GRIK4: variants seen among roughly 807,000 people sequenced by gnomAD.
The protein encoded by GRIK4 is glutamate receptor ionotropic, kainate 4.
In GRIK4, 40 loss-of-function variants were observed where a neutral mutation model predicts 104.9. That is an observed-to-expected ratio of 0.38 (90% CI 0.30 to 0.50). The LOEUF is 0.50. Among genes scored for constraint, GRIK4 ranks in the 20% least tolerant of loss-of-function variants. The pLI, the probability that GRIK4 is intolerant of heterozygous loss-of-function variation, is 0.93. For synonymous variants in GRIK4, 485 were observed against 524.9 expected, an observed-to-expected ratio of 0.92 and a Z score of 1.04; for missense variants, 1,047 against 1,308.1, an observed-to-expected ratio of 0.80 and a Z score of 3.08.
chr11:120,899,917 C>G (rs1276450038), intron 12 of GRIK4, among the ~76,000 whole-genome samples: 4 of 152,220 alleles, frequency 2.6e-5, no homozygotes, highest in African/African-American at 9.7e-5. Context: ...GCAAATGTGT[C>G]CATGTCTTTT....
intron 3 of GRIK4, among the ~76,000 whole-genome samples, chr11:120,747,042 G>A (rs1277054575): frequency 6.6e-6 from 1 of 152,144 alleles, no homozygotes. Context: ...TTTTGAGTAA[G>A]CACTCAGTAA....
chr11:120,981,486 T>C (rs973593591), intron 19 of GRIK4, among the ~76,000 whole-genome samples: 2 of 152,192 alleles, frequency 1.3e-5, no homozygotes, highest in African/African-American at 2.4e-5. Flanking sequence ...GAGATACTGA[T>C]TGAGTAGGTC....
chr11:120,626,412 G>T lies in GRIK4; in HGVS notation c.-158-27273G>T, dbSNP rs145810335. Among the ~76,000 whole-genome samples, 559 of 152,288 alleles carry T rather than the reference G, an allele frequency of 3.7e-3. 4 individuals are homozygous for T. The highest frequency in any genetic ancestry group is 0.012 in the African/African-American group (519 of 41,558). On this transcript the variant is annotated intron_variant, in intron 1 of 20. Transcript: ENST00000527524. ...TTAACTGGCTCGGCACACTTTATTG[G>T]AGGGAAACTGATGCGCTTCCCTACC...
Position 120,802,711 on chromosome 11 carries a change from C to G in GRIK4, c.101C>G (p.Pro34Arg), listed in dbSNP as rs1412835737. ...SLRIAAILDD[P>R]MECSRGERLS... ...CCCACAGCTGCTATCTTGGACGACC[C>G]CATGGAGTGCAGCAGAGGGGAGCGG... Residue 34 changes from proline (P) to arginine (R), a missense_variant, in exon 4 of 21, where the codon CCC becomes CGC. This residue lies in a region of GRIK4 where 447 missense variants were observed against 514.9 expected (regional missense o/e 0.87). Coordinates refer to ENST00000527524, the MANE Select transcript of GRIK4 (RefSeq NM_014619.5). 6.2e-7 allele frequency: 1 copy of G among 1,613,856 alleles called. No homozygotes were observed. The highest frequency in any genetic ancestry group is 8.5e-7 in the Non-Finnish European group (1 of 1,179,972).
chr11:120,702,003 T>C (rs1348402246), intron 3 of GRIK4, among the ~76,000 whole-genome samples: 2 of 142,604 alleles, frequency 1.4e-5, no homozygotes, highest in African/African-American at 5.3e-5. Context: ...GTTGCCAGGC[T>C]GGAGTGCAGT....
intron 13 of GRIK4, among the ~76,000 whole-genome samples, chr11:120,918,390 A>G (rs548859456): frequency 9.2e-5 from 14 of 152,222 alleles, no homozygotes; most frequent in Admixed American, 3.9e-4. Context: ...CATTGATTCC[A>G]TATTGGTTGT....
intron 11 of GRIK4, among the ~76,000 whole-genome samples, chr11:120,897,099 G>C (rs1942602274): frequency 6.6e-6 from 1 of 152,006 alleles, no homozygotes; most frequent in African/African-American, 2.4e-5. Flanking sequence ...AGGATTACTT[G>C]GGTCCAGGAG....
intron 3 of GRIK4, among the ~76,000 whole-genome samples, chr11:120,661,742 A>C (rs966195837): frequency 2.6e-5 from 4 of 152,200 alleles, no homozygotes; most frequent in East Asian, 1.9e-4. Flanking sequence ...TTTTCATGCA[A>C]ATGCAGAGGA....
chr11:120,707,161 A>G (rs939475525), intron 3 of GRIK4, among the ~76,000 whole-genome samples: 3 of 152,218 alleles, frequency 2.0e-5, no homozygotes, highest in African/African-American at 7.2e-5. Context: ...CCTGGAGGCA[A>G]GAAGACAGAG....
At chr11:120,947,059 C>T (rs1943876769) in intron 14 of GRIK4, among the ~76,000 whole-genome samples, 1 of 152,076 alleles carries the variant, frequency 6.6e-6, no homozygotes, top group Admixed American at 6.5e-5. Flanking sequence ...TAACTCTTAG[C>T]TAGAGTCTTC....
At chr11:120,982,066 T>C in intron 19 of GRIK4, 40 bp from the exon 20 acceptor site, 4 of 1,239,218 alleles carry the variant, frequency 3.2e-6, no homozygotes, top group Admixed American at 1.7e-5. Context: ...GTCTTCCTGA[T>C]CTTTTACAAT....
intron 3 of GRIK4, among the ~76,000 whole-genome samples, chr11:120,672,743 T>C (rs1274945449): frequency 6.6e-6 from 1 of 152,222 alleles, no homozygotes; most frequent in Non-Finnish European, 1.5e-5. Context: ...TATTGGTGTT[T>C]AGGAATGCTT....
intron 3 of GRIK4, among the ~76,000 whole-genome samples, chr11:120,672,497 G>A (rs773668162): frequency 3.3e-5 from 5 of 152,174 alleles, no homozygotes; most frequent in Non-Finnish European, 5.9e-5. Flanking sequence ...GATGGGAATA[G>A]CATCGAATCT....
intron 13 of GRIK4, among the ~76,000 whole-genome samples, chr11:120,918,773 A>AT (rs1474255666): frequency 6.6e-6 from 1 of 152,196 alleles, no homozygotes; most frequent in Non-Finnish European, 1.5e-5. Flanking sequence ...GCAAAATGGT[A>AT]TGGGAGCACA....
At chr11:120,649,414 C>T (rs935337495) in intron 1 of GRIK4, among the ~76,000 whole-genome samples, 4 of 152,190 alleles carry the variant, frequency 2.6e-5, no homozygotes, top group Non-Finnish European at 4.4e-5. Context: ...GTGGGGTCTC[C>T]ACCTGGGCAT....
At chr11:120,692,437 G>A (rs917994174) in intron 3 of GRIK4, among the ~76,000 whole-genome samples, 1 of 152,192 alleles carries the variant, frequency 6.6e-6, no homozygotes, top group Non-Finnish European at 1.5e-5. Flanking sequence ...GGGGGAGGTG[G>A]TGCATAAACA....
chr11:120,680,617 C>T (rs1372902991), intron 3 of GRIK4, among the ~76,000 whole-genome samples: 1 of 152,210 alleles, frequency 6.6e-6, no homozygotes, highest in East Asian at 1.9e-4. Flanking sequence ...TCATTCTTAT[C>T]CTGGGCTGCT....
At position 120,660,265 on chromosome 11, in the gene GRIK4, GC is replaced by G; in HGVS notation, c.-50-3del. ...TCACGTGCCCCCAACCCCCTCTCTC[GC>G]AGAGTTATGTCATGCCCAGGCCAGC... On this transcript the variant is annotated splice_polypyrimidine_tract_variant and splice_region_variant and intron_variant, in intron 2 of 20. Coordinates refer to ENST00000527524, the MANE Select transcript of GRIK4 (RefSeq NM_014619.5). 7.5e-7 allele frequency: 1 copy of G among 1,338,092 alleles called. No homozygotes were observed. 82.9% of individuals were successfully genotyped at this position (1,338,092 alleles called of 1,614,324 possible). A position where few individuals can be genotyped will look rare whatever the true frequency, so the allele number is the denominator to read the frequency against.
intron 1 of GRIK4, among the ~76,000 whole-genome samples, chr11:120,628,925 C>T (rs1949296576): frequency 6.6e-6 from 1 of 152,196 alleles, no homozygotes. Flanking sequence ...ACTTGCCTTA[C>T]GCTGTGCTAG....
Sources: gnomAD v4.1 joint callset for allele counts (sites outside exome capture counted in the v4.1 genomes callset) on GRCh38, gnomAD v4.1.1 for gene constraint, gnomAD v4.1.1 regional missense constraint, MANE v1.5 for transcripts, NCBI Gene and HGNC (gene_info 2026-07-23, HGNC 2026-07-21) for gene names.